SCHIP1: variants seen among roughly 807,000 people sequenced by gnomAD.
SCHIP1 encodes the protein schwannomin-interacting protein 1.
In SCHIP1, 8 loss-of-function variants were observed where a neutral mutation model predicts 29.7. The observed-to-expected ratio is 0.27, with a 90% confidence interval of 0.16 to 0.49. The LOEUF is 0.49. Ranked by LOEUF, SCHIP1 falls within the 20% of genes least tolerant of loss-of-function variation. The pLI is 0.99. For synonymous variants in SCHIP1, 76 were observed against 94.9 expected (o/e 0.80, Z 1.16); for missense variants, 193 against 294.6 (o/e 0.66, Z 2.52).
chr3:159,550,646 T>C, the SCHIP1 span, among the ~76,000 whole-genome samples: 1 of 152,270 alleles, frequency 6.6e-6, no homozygotes, highest in East Asian at 1.9e-4. Flanking sequence ...TATTTTTATA[T>C]TTTTATCCAA....
the SCHIP1 span, among the ~76,000 whole-genome samples, chr3:159,534,800 T>C: frequency 6.6e-6 from 1 of 152,200 alleles, no homozygotes; most frequent in African/African-American, 2.4e-5. Context: ...CTTTCTTTTC[T>C]AAACCTTGTA....
the SCHIP1 span, among the ~76,000 whole-genome samples, chr3:159,611,238 G>C: frequency 6.6e-6 from 1 of 152,096 alleles, no homozygotes; most frequent in Non-Finnish European, 1.5e-5. Context: ...GGGGAGCCAG[G>C]CTTATGATTC....
At chr3:159,417,580 T>C in the SCHIP1 span, among the ~76,000 whole-genome samples, 2 of 152,142 alleles carry the variant, frequency 1.3e-5, no homozygotes, top group African/African-American at 2.4e-5. Context: ...CATAGGTAAA[T>C]AGACGGATAG....
the SCHIP1 span, among the ~76,000 whole-genome samples, chr3:159,335,072 A>G: frequency 1.3e-5 from 2 of 151,492 alleles, no homozygotes; most frequent in African/African-American, 2.4e-5. Context: ...GCTAATTTTT[A>G]TATTTTTAGT....
the SCHIP1 span, among the ~76,000 whole-genome samples, chr3:159,284,938 A>G: frequency 1.3e-5 from 2 of 152,196 alleles, no homozygotes; most frequent in Non-Finnish European, 2.9e-5. Flanking sequence ...TCTCGATCTA[A>G]TAAGCAGTAT....
intron 2 of SCHIP1, among the ~76,000 whole-genome samples, chr3:159,869,654 A>C (rs1465791882): frequency 1.3e-5 from 2 of 151,880 alleles, no homozygotes; most frequent in African/African-American, 4.8e-5. Context: ...CCTTTTTGTT[A>C]TTCTTTTTCT....
At chr3:159,403,649 C>T in the SCHIP1 span, among the ~76,000 whole-genome samples, 3 of 152,204 alleles carry the variant, frequency 2.0e-5, no homozygotes. Flanking sequence ...AATCTGAGCT[C>T]CAGCAAACCT....
the SCHIP1 span, among the ~76,000 whole-genome samples, chr3:159,565,016 C>A: frequency 2.0e-5 from 3 of 152,140 alleles, no homozygotes; most frequent in Non-Finnish European, 2.9e-5. Flanking sequence ...ATGTGCTTAG[C>A]TTTAGAAGAT....
chr3:159,851,006 C>T (rs572019464), intron 1 of SCHIP1, among the ~76,000 whole-genome samples: 1 of 151,990 alleles, frequency 6.6e-6, no homozygotes, highest in Non-Finnish European at 1.5e-5. Flanking sequence ...GGGCGTGGTG[C>T]TTCACATCTA....
chr3:159,637,843 A>G, the SCHIP1 span, among the ~76,000 whole-genome samples: 1 of 152,244 alleles, frequency 6.6e-6, no homozygotes, highest in Non-Finnish European at 1.5e-5. Flanking sequence ...TATTTCTATA[A>G]TATTTAAAAT....
At chr3:159,661,087 A>G in the SCHIP1 span, among the ~76,000 whole-genome samples, 1 of 152,244 alleles carries the variant, frequency 6.6e-6, no homozygotes, top group South Asian at 2.1e-4. Context: ...GAACTTGATT[A>G]TCATATGCTG....
intron 1 of SCHIP1, among the ~76,000 whole-genome samples, chr3:159,860,687 G>A (rs1248908146): frequency 6.6e-6 from 1 of 152,192 alleles, no homozygotes; most frequent in Admixed American, 6.5e-5. Context: ...GGGAAGAACA[G>A]AAAGACAGGA....
the SCHIP1 span, among the ~76,000 whole-genome samples, chr3:159,582,787 TACAC>T: frequency 0.01 from 1,478 of 144,226 alleles, 13 homozygotes; most frequent in Non-Finnish European, 0.016. Context: ...AATATATATA[TACAC>T]ACACACACAC....
At chr3:159,825,973 T>A in the SCHIP1 span, among the ~76,000 whole-genome samples, 2 of 152,088 alleles carry the variant, frequency 1.3e-5, no homozygotes, top group Admixed American at 1.3e-4. Context: ...AGGCCACCAG[T>A]GTGCCTAGAG....
chr3:159,593,537 C>T, the SCHIP1 span, among the ~76,000 whole-genome samples: 2 of 152,168 alleles, frequency 1.3e-5, no homozygotes, highest in Non-Finnish European at 2.9e-5. Context: ...CCTCCATGGC[C>T]TCATCTGTAA....
At chr3:159,885,082 T>TTA (rs1716833471) in intron 2 of SCHIP1, among the ~76,000 whole-genome samples, 1 of 152,242 alleles carries the variant, frequency 6.6e-6, no homozygotes, top group Admixed American at 6.5e-5. Flanking sequence ...AAAGAATCAC[T>TTA]TTAAATGAGT....
At chr3:159,481,246 A>G in the SCHIP1 span, among the ~76,000 whole-genome samples, 3 of 152,168 alleles carry the variant, frequency 2.0e-5, no homozygotes, top group Non-Finnish European at 4.4e-5. Context: ...GACCCAGCCA[A>G]TTGTGTTCTT....
the SCHIP1 span, chr3:159,273,518 C>G: frequency 6.1e-6 from 7 of 1,154,594 alleles, no homozygotes; most frequent in South Asian, 2.0e-4. Context: ...GTAGCCTTGT[C>G]TTCTCTGTGT....
At chr3:159,873,727 G>GTA (rs1715503602) in intron 2 of SCHIP1, among the ~76,000 whole-genome samples, 1 of 152,108 alleles carries the variant, frequency 6.6e-6, no homozygotes, top group Non-Finnish European at 1.5e-5. Flanking sequence ...AACTGAAACT[G>GTA]TATAACCTTT....
Sources: allele counts gnomAD v4.1 joint callset (sites outside exome capture counted in the v4.1 genomes callset), GRCh38; gene constraint gnomAD v4.1.1; transcripts MANE v1.5; gene names NCBI Gene and HGNC (gene_info 2026-07-23, HGNC 2026-07-21).